WASF3: variants seen among roughly 807,000 people sequenced by gnomAD.
WASF3 encodes the protein WASP family member 3.
WASF3 carries 11 observed loss-of-function variants against 46.6 expected under a neutral mutation model. The ratio of observed to expected loss-of-function variants is 0.24; its 90% CI spans 0.15 to 0.39. WASF3 has a LOEUF of 0.39. Ranked by LOEUF, WASF3 falls within the 10% of genes least tolerant of loss-of-function variation. The pLI is 1.00. For synonymous variants in WASF3, 242 were observed against 259.7 expected (o/e 0.93, Z 0.65); for missense variants, 576 against 669.8 (o/e 0.86, Z 1.55).
Position 26,577,650 on chromosome 13 carries a change from A to G in WASF3, c.-109+19831A>G, listed in dbSNP as rs1349534507. ...GCTAAAGTTGAATGAGCTGATGGAT[A>G]TGAACCACCAGTCCAAGAATCTGTT... On this transcript the variant is annotated intron_variant, in intron 1 of 9. Transcript: ENST00000335327. 13 of 1,187,222 alleles carry G rather than the reference A, an allele frequency of 1.1e-5. No individual in the cohort carries two copies. In the East Asian group the frequency reaches 1.2e-4, roughly 11 times the overall value. 73.5% of individuals were successfully genotyped at this position (1,187,222 alleles called of 1,614,324 possible).
intron 2 of WASF3, among the ~76,000 whole-genome samples, chr13:26,637,707 T>C (rs1221808558): frequency 6.6e-6 from 1 of 152,214 alleles, no homozygotes; most frequent in Non-Finnish European, 1.5e-5. Context: ...ACATGAAAGG[T>C]ATCCCTTCAT....
At chr13:26,643,490 T>G (rs1021318225) in intron 3 of WASF3, among the ~76,000 whole-genome samples, 3 of 152,206 alleles carry the variant, frequency 2.0e-5, no homozygotes, top group Admixed American at 6.5e-5. Context: ...GTAAAGAAAT[T>G]ACATAAAATG....
chr13:26,565,322 A>T (rs991587733), intron 1 of WASF3, among the ~76,000 whole-genome samples: 14 of 152,294 alleles, frequency 9.2e-5, no homozygotes, highest in African/African-American at 3.4e-4. Context: ...AGAGGGGGCA[A>T]CTTACAAGTA....
intron 1 of WASF3, among the ~76,000 whole-genome samples, chr13:26,606,321 CGTGTGTGT>C (rs60865367): frequency 0.15 from 19,835 of 131,934 alleles, 1,796 homozygotes; most frequent in South Asian, 0.27. Flanking sequence ...TCTTTTTTTT[CGTGTGTGT>C]GTGTGTGTGT....
At chr13:26,628,922 A>G (rs1046574876) in intron 2 of WASF3, among the ~76,000 whole-genome samples, 1 of 152,146 alleles carries the variant, frequency 6.6e-6, no homozygotes, top group Non-Finnish European at 1.5e-5. Context: ...CCTCTGATGT[A>G]TAAGTGTACT....
intron 2 of WASF3, among the ~76,000 whole-genome samples, chr13:26,624,254 G>C (rs1881398559): frequency 6.6e-6 from 1 of 152,104 alleles, no homozygotes; most frequent in African/African-American, 2.4e-5. Flanking sequence ...ACAGAAATAA[G>C]GAAACAAGTT....
rs1882028222 is a variant in WASF3, at chr13:26,642,468, T to C, written c.133+65T>C. 4 of 1,505,406 alleles carry C rather than the reference T, an allele frequency of 2.7e-6. No individual in the cohort carries two copies. The East Asian group carries it at 9.5e-5, about 36-fold the overall frequency. The allele number at this position is 1,505,406 out of a possible 1,614,324, so 93.3% of individuals were successfully genotyped here. On this transcript the variant is annotated intron_variant, in intron 3 of 9. Coordinates refer to ENST00000335327, the MANE Select transcript of WASF3 (RefSeq NM_006646.6). ...TTTGTTAGCAAATTGATTTTAATAG[T>C]TAAATGATTGTCCAAAGAAGAGATT...
intron 7 of WASF3, among the ~76,000 whole-genome samples, chr13:26,677,943 GC>G (rs1208879285): frequency 6.6e-6 from 1 of 152,060 alleles, no homozygotes; most frequent in African/African-American, 2.4e-5. Flanking sequence ...AAAAATAGAT[GC>G]AGATGGGAAA....
intron 1 of WASF3, among the ~76,000 whole-genome samples, chr13:26,568,806 A>G (rs951798277): frequency 3.9e-5 from 6 of 152,178 alleles, no homozygotes; most frequent in African/African-American, 1.4e-4. Flanking sequence ...ACTGTAGAAA[A>G]GTCTCAGTAA....
At chr13:26,548,130 A>G in the WASF3 span, among the ~76,000 whole-genome samples, 4 of 152,218 alleles carry the variant, frequency 2.6e-5, no homozygotes, top group Non-Finnish European at 5.9e-5. Context: ...CTGCACAGAT[A>G]TATCTTTGAC....
In WASF3 at chr13:26,615,290, GT is replaced by G. The variant is rs900708610; in HGVS notation, c.-11+2240del. Among the ~76,000 whole-genome samples the G allele has an allele frequency of 7.9e-5, 12 of 151,570 alleles. No homozygotes were observed. The East Asian group carries it at 1.2e-3, about 15-fold the overall frequency. ...TCAGATTATCTGTTGCCACAGATTT[GT>G]TTTTTTTGGTTTTTGTTTTTGTTTT... On this transcript the variant is annotated intron_variant, in intron 2 of 9. Coordinates refer to ENST00000335327, the MANE Select transcript of WASF3 (RefSeq NM_006646.6).
At chr13:26,585,896 G>A (rs980709592) in intron 1 of WASF3, among the ~76,000 whole-genome samples, 3 of 152,176 alleles carry the variant, frequency 2.0e-5, no homozygotes, top group Non-Finnish European at 2.9e-5. Context: ...GGATGGTGCT[G>A]TAGAAAACTT....
intron 9 of WASF3, among the ~76,000 whole-genome samples, chr13:26,683,317 C>CA (rs1035027343): frequency 1.7e-3 from 259 of 149,940 alleles, no homozygotes; most frequent in Admixed American, 0.011. Flanking sequence ...ACAAAAAATG[C>CA]AAAAAAAAAT....
rs201397617 is a variant in WASF3 at position 26,630,707 on chromosome 13, T to TA, written c.-10-11553dup. Among the ~76,000 whole-genome samples the TA allele has an allele frequency of 5.0e-3, 767 of 152,360 alleles. 48 individuals carry two copies. In the East Asian group the frequency reaches 0.13, roughly 26 times the overall value. On this transcript the variant is annotated intron_variant, in intron 2 of 9. Coordinates refer to ENST00000335327, the MANE Select transcript of WASF3 (RefSeq NM_006646.6). ...GGATCGCTGGGTCAAATGCTATTTC[T>TA]AGTTCTAGATCCTTGAGGAATCACC...
At chr13:26,628,533 A>G (rs1465739334) in intron 2 of WASF3, among the ~76,000 whole-genome samples, 4 of 152,218 alleles carry the variant, frequency 2.6e-5, no homozygotes, top group African/African-American at 7.2e-5. Context: ...TACAAGTTCA[A>G]GGATCCTGAA....
chr13:26,557,122 G>A (rs1879115031), upstream of WASF3, among the ~76,000 whole-genome samples: 1 of 152,194 alleles, frequency 6.6e-6, no homozygotes, highest in Admixed American at 6.5e-5. Flanking sequence ...AGGGTGGAGA[G>A]AGATTGGTTA....
chr13:26,580,626 CTTTT>C (rs5802384), intron 1 of WASF3, among the ~76,000 whole-genome samples: 2 of 136,948 alleles, frequency 1.5e-5, no homozygotes, highest in African/African-American at 2.7e-5. Flanking sequence ...TTTTTTCTTT[CTTTT>C]TTTTTTTTTT....
rs555210591 is a variant in WASF3 at position 26,577,693 on chromosome 13, A to G, written c.-109+19874A>G. On this transcript the variant is annotated intron_variant, in intron 1 of 9. Transcript: ENST00000335327. ...AATCTGTTTAAAGTTCAGACTTATA[A>G]TAATGGCAAGTAAAAAGTCCTATTT... 220 of 929,182 alleles carry G rather than the reference A, an allele frequency of 2.4e-4. 2 individuals are homozygous for G. In the African/African-American group the frequency reaches 3.3e-3, roughly 14 times the overall value. The allele number at this position is 929,182 out of a possible 1,614,324, so 57.6% of individuals were successfully genotyped here. A position where few individuals can be genotyped will look rare whatever the true frequency, so the allele number is the denominator to read the frequency against.
In WASF3 at chr13:26,617,758, C is replaced by G. The variant is rs1005545095; in HGVS notation, c.-11+4700C>G. Among the ~76,000 whole-genome samples the G allele has an allele frequency of 9.2e-5, 14 of 152,146 alleles. 1 individual carries two copies. The highest frequency in any genetic ancestry group is 1.2e-4 in the Non-Finnish European group (8 of 68,026). ...TTGGCTGTGTTCCCACCCAAAATCT[C>G]ATGTTGAGTTGTAGTCCCCATAATC... On this transcript the variant is annotated intron_variant, in intron 2 of 9. Coordinates refer to ENST00000335327, the MANE Select transcript of WASF3 (RefSeq NM_006646.6).
Sources: gnomAD v4.1 joint callset for allele counts (sites outside exome capture counted in the v4.1 genomes callset) on GRCh38, gnomAD v4.1.1 for gene constraint, MANE v1.5 for transcripts, NCBI Gene and HGNC (gene_info 2026-07-23, HGNC 2026-07-21) for gene names.